PIBF1: variants seen among roughly 807,000 people sequenced by gnomAD.
The protein encoded by PIBF1 is progesterone-induced-blocking factor 1.
A neutral mutation model predicts 112.5 loss-of-function variants in PIBF1; 90 were observed. The observed-to-expected ratio is 0.80, with a 90% CI of 0.67 to 0.95. The LOEUF is 0.95. Ranked by LOEUF, PIBF1 falls within the 40% of genes least tolerant of loss-of-function variation. The pLI is 0.00. For synonymous variants in PIBF1, 301 were observed against 288.6 expected, an observed-to-expected ratio of 1.04 and a Z score of -0.44; for missense variants, 915 against 852.3, an observed-to-expected ratio of 1.07 and a Z score of -0.92.
chr13:72,932,175 C>A (rs534907355), intron 14 of PIBF1, among the ~76,000 whole-genome samples: 1 of 152,106 alleles, frequency 6.6e-6, no homozygotes, highest in East Asian at 1.9e-4. Flanking sequence ...AACTTCTGGG[C>A]TCAAGCGATC....
At chr13:72,828,874 G>A (rs1056437793) in intron 8 of PIBF1, among the ~76,000 whole-genome samples, 1 of 152,140 alleles carries the variant, frequency 6.6e-6, no homozygotes, top group Admixed American at 6.5e-5. Flanking sequence ...CTTCCACAAT[G>A]GTTGAACTAA....
chr13:72,925,332 T>C (rs1410447795), intron 13 of PIBF1, among the ~76,000 whole-genome samples: 2 of 152,166 alleles, frequency 1.3e-5, no homozygotes, highest in African/African-American at 4.8e-5. Flanking sequence ...GGTTGGGTTA[T>C]GAAGAAACAG....
chr13:72,823,685 G>A (rs1368189877), intron 6 of PIBF1, among the ~76,000 whole-genome samples: 1 of 152,122 alleles, frequency 6.6e-6, no homozygotes, highest in Non-Finnish European at 1.5e-5. Context: ...AAAATAAATT[G>A]AGATTTACTC....
rs1159864398 is a variant in PIBF1, at chr13:72,905,458, A to G, written c.1489-3073A>G. Reference sequence around the variant, plus strand: ...TCTGGAAATTACTCTGATTAGTGAAACTAATTAAAGGGCCTCAGAAAATAA... The same window carrying G: ...TCTGGAAATTACTCTGATTAGTGAAGCTAATTAAAGGGCCTCAGAAAATAA... On this transcript the variant is annotated intron_variant, in intron 11 of 17. Coordinates refer to ENST00000326291, the MANE Select transcript of PIBF1 (RefSeq NM_006346.4). Among the ~76,000 whole-genome samples the G allele has an allele frequency of 2.0e-5, 3 of 152,182 alleles. 1 individual carries two copies. In the East Asian group the frequency reaches 5.8e-4, roughly 29 times the overall value.
intron 11 of PIBF1, among the ~76,000 whole-genome samples, chr13:72,905,002 A>G (rs2040642313): frequency 6.6e-6 from 1 of 151,938 alleles, no homozygotes; most frequent in Admixed American, 6.6e-5. Flanking sequence ...ATATCGCACA[A>G]CTAGTAAGTG....
At chr13:72,962,400 C>T (rs2042629775) in intron 14 of PIBF1, among the ~76,000 whole-genome samples, 1 of 152,024 alleles carries the variant, frequency 6.6e-6, no homozygotes, top group African/African-American at 2.4e-5. Context: ...AGTTCAAGCC[C>T]ATCCTGGGCA....
intron 12 of PIBF1, among the ~76,000 whole-genome samples, chr13:72,913,192 G>A (rs987636247): frequency 3.3e-5 from 5 of 151,974 alleles, no homozygotes; most frequent in Non-Finnish European, 7.4e-5. Flanking sequence ...TATCTTGATA[G>A]GGTTTGTGTT....
At chr13:72,872,692 A>G (rs960412369) in intron 10 of PIBF1, among the ~76,000 whole-genome samples, 2 of 152,198 alleles carry the variant, frequency 1.3e-5, no homozygotes, top group African/African-American at 4.8e-5. Context: ...TGAAAATGCC[A>G]TGGCTAGAAT....
chr13:72,970,655 A>T (rs1033923451), intron 15 of PIBF1: 1 of 152,122 alleles, frequency 6.6e-6, no homozygotes, highest in Non-Finnish European at 1.5e-5. Context: ...TTACAAGGAG[A>T]TTTGTTTTGT....
chr13:72,795,358 G>A lies in PIBF1; in HGVS notation c.354-1G>A. The A allele has an allele frequency of 6.4e-7, 1 of 1,558,632 alleles. No individual in the cohort carries two copies. Among genetic ancestry groups the A allele is most frequent in the Non-Finnish European group, 8.8e-7 (1 of 1,142,184 alleles). ...CTGCCATAAATTCTCTTCTAATGTA[G>A]CAAATATCAAGAATTAATGAAACAA... On this transcript the variant is annotated splice_acceptor_variant, in intron 3 of 17. Coordinates refer to ENST00000326291, the MANE Select transcript of PIBF1 (RefSeq NM_006346.4). LOFTEE classifies it high-confidence loss of function.
At chr13:72,863,984 A>G (rs1431668903) in intron 10 of PIBF1, among the ~76,000 whole-genome samples, 2 of 152,260 alleles carry the variant, frequency 1.3e-5, no homozygotes, top group Non-Finnish European at 2.9e-5. Context: ...AGTTCTAAAT[A>G]AAAAGCATGC....
At chr13:72,988,559 A>G in intron 16 of PIBF1, among the ~76,000 whole-genome samples, 1 of 152,190 alleles carries the variant, frequency 6.6e-6, no homozygotes, top group East Asian at 1.9e-4. Context: ...AAAATAATAC[A>G]TTATATTTGC....
chr13:72,827,808 A>G lies in PIBF1; in HGVS notation c.991A>G (p.Ser331Gly). Residue 331 changes from serine (S) to glycine (G), a missense_variant, in exon 8 of 18, where the codon AGT becomes GGT. Transcript: ENST00000326291. ...TCTTAATCGCCAAAACATGGAGCTT[A>G]GTGTTCGCTGTGCTCATGAAGAGGA... ...EYLNRQNMEL[S>G]VRCAHEEDRL... 1 of 1,605,534 alleles carries G rather than the reference A, an allele frequency of 6.2e-7. No individual in the cohort carries two copies. The highest frequency in any genetic ancestry group is 8.5e-7 in the Non-Finnish European group (1 of 1,176,090).
intron 9 of PIBF1, among the ~76,000 whole-genome samples, chr13:72,836,475 G>A (rs1594015474): frequency 2.6e-5 from 4 of 152,176 alleles, no homozygotes; most frequent in African/African-American, 9.6e-5. Context: ...GGAAAAAAAA[G>A]CTGCTGTATT....
At chr13:72,930,871 A>C (rs2041675517) in intron 13 of PIBF1, among the ~76,000 whole-genome samples, 1 of 152,160 alleles carries the variant, frequency 6.6e-6, no homozygotes, top group South Asian at 2.1e-4. Flanking sequence ...TGGTCTTTTC[A>C]AGCAAGTGTT....
chr13:72,955,549 A>T (rs772078787), intron 14 of PIBF1, among the ~76,000 whole-genome samples: 2 of 152,134 alleles, frequency 1.3e-5, no homozygotes, highest in African/African-American at 4.8e-5. Flanking sequence ...ATGAGTGACT[A>T]TAATTTTTTT....
intron 13 of PIBF1, 42 bp from the exon 14 acceptor site, chr13:72,931,123 A>T (rs568410322): frequency 8.4e-7 from 1 of 1,190,462 alleles, no homozygotes; most frequent in South Asian, 1.3e-5. Context: ...TTTGGGCAGT[A>T]TTTCACTTTT....
intron 17 of PIBF1, among the ~76,000 whole-genome samples, chr13:73,014,357 C>T (rs373778862): frequency 6.6e-6 from 1 of 152,072 alleles, no homozygotes; most frequent in Non-Finnish European, 1.5e-5. Context: ...ATTCCAAAAT[C>T]AAAGATATTA....
intron 8 of PIBF1, among the ~76,000 whole-genome samples, chr13:72,832,404 C>T (rs1342039542): frequency 2.6e-5 from 4 of 152,144 alleles, no homozygotes; most frequent in Non-Finnish European, 4.4e-5. Context: ...TGGCTGGTAC[C>T]AGTTGTTCCT....
Sources: allele counts gnomAD v4.1 joint callset (sites outside exome capture counted in the v4.1 genomes callset), GRCh38; gene constraint gnomAD v4.1.1; transcripts MANE v1.5; gene names NCBI Gene and HGNC (gene_info 2026-07-23, HGNC 2026-07-21).